Variants in DDC observed in about 807,000 individuals in gnomAD.
The protein encoded by DDC is dopa decarboxylase.
DDC carries 43 observed loss-of-function variants against 60.0 expected under a neutral mutation model. The observed-to-expected ratio is 0.72, with a 90% CI of 0.56 to 0.92. DDC has a LOEUF of 0.92. Among genes scored for constraint, DDC ranks in the 40% least tolerant of loss-of-function variants. DDC has a pLI of 0.00. For synonymous variants in DDC, 232 were observed against 234.6 expected (o/e 0.99, Z 0.10); for missense variants, 573 against 620.2 (o/e 0.92, Z 0.81).
chr7:50,548,970 C>T (rs2044894780), intron 1 of DDC, among the ~76,000 whole-genome samples: 2 of 152,188 alleles, frequency 1.3e-5, no homozygotes, highest in South Asian at 4.1e-4. Flanking sequence ...AAAAACTATG[C>T]CAAATCTACT....
chr7:50,553,526 G>A (rs371692458), intron 1 of DDC, among the ~76,000 whole-genome samples: 5 of 116,540 alleles, frequency 4.3e-5, no homozygotes, highest in African/African-American at 6.6e-5. Flanking sequence ...TTGCTCTGTC[G>A]CCCAGGCTGG....
At chr7:50,503,139 C>T (rs1487681107) in intron 7 of DDC, among the ~76,000 whole-genome samples, 1 of 152,268 alleles carries the variant, frequency 6.6e-6, no homozygotes, top group African/African-American at 2.4e-5. Flanking sequence ...AGCCAATTCC[C>T]TGGTAGCTGT....
chr7:50,526,840 G>A (rs1403748812), intron 6 of DDC, among the ~76,000 whole-genome samples: 6 of 152,170 alleles, frequency 3.9e-5, no homozygotes, highest in Non-Finnish European at 8.8e-5. Context: ...AGACAAAGTA[G>A]GCTGCAGGAC....
intron 12 of DDC, 121 bp from the exon 13 acceptor site, chr7:50,467,436 C>T: frequency 1.2e-6 from 1 of 822,526 alleles, no homozygotes; most frequent in Non-Finnish European, 2.0e-6. Flanking sequence ...GGCAATTTTC[C>T]TCAAGTGCTT....
At chr7:50,557,124 T>C (rs1010107186) in intron 1 of DDC, among the ~76,000 whole-genome samples, 1 of 152,226 alleles carries the variant, frequency 6.6e-6, no homozygotes, top group African/African-American at 2.4e-5. Context: ...AGAAATTTTC[T>C]ACAACAAACA....
chr7:50,565,253 C>T (rs1251928657), intron 1 of DDC, 32 bp downstream of exon 1: 3 of 152,228 alleles, frequency 2.0e-5, no homozygotes, highest in Non-Finnish European at 4.4e-5. Flanking sequence ...TCCACTACTA[C>T]AATCTGAGTA....
At chr7:50,530,032 C>G (rs879617575) in intron 4 of DDC, among the ~76,000 whole-genome samples, 2 of 151,914 alleles carry the variant, frequency 1.3e-5, no homozygotes, top group Non-Finnish European at 2.9e-5. Flanking sequence ...AGAGGAGGGT[C>G]GATCACTTGA....
intron 10 of DDC, 118 bp downstream of exon 10, chr7:50,479,669 T>C: frequency 1.1e-6 from 1 of 923,902 alleles, no homozygotes; most frequent in Non-Finnish European, 1.8e-6. Context: ...CACCCCGTCT[T>C]CTCTGTGAAA....
At chr7:50,512,485 A>C (rs2043607520) in intron 6 of DDC, among the ~76,000 whole-genome samples, 1 of 152,168 alleles carries the variant, frequency 6.6e-6, no homozygotes, top group African/African-American at 2.4e-5. Flanking sequence ...AATACAGTTA[A>C]TTTTGGTCAA....
chr7:50,507,493 A>G (rs1349957303), intron 6 of DDC, among the ~76,000 whole-genome samples: 1 of 152,134 alleles, frequency 6.6e-6, no homozygotes, highest in African/African-American at 2.4e-5. Flanking sequence ...CGGTCTCCCA[A>G]AGTGTTGGGA....
At chr7:50,490,985 C>T (rs1263796789) in intron 9 of DDC, among the ~76,000 whole-genome samples, 3 of 152,238 alleles carry the variant, frequency 2.0e-5, no homozygotes, top group East Asian at 1.9e-4. Context: ...AGAGTCTAGC[C>T]TTGCCTAATG....
chr7:50,533,754 A>G (rs1196140483), intron 4 of DDC, among the ~76,000 whole-genome samples: 1 of 152,240 alleles, frequency 6.6e-6, no homozygotes, highest in Non-Finnish European at 1.5e-5. Context: ...GCCCACAATA[A>G]CTAACATACA....
rs1429223377 is a variant in DDC at position 50,476,611 on chromosome 7, A to G, written c.1041+13T>C. 5 of 1,610,528 alleles carry G rather than the reference A, an allele frequency of 3.1e-6. No homozygotes were observed. Among genetic ancestry groups the G allele is most frequent in the Non-Finnish European group, 3.4e-6 (4 of 1,177,030 alleles). On this transcript the variant is annotated intron_variant, in intron 11 of 14. Transcript: ENST00000444124. ...CACTAGCATTTGAGATTACAGTGGA[A>G]TCTCCCACTTACCCGGTAGTCAGTG... is the stretch of plus-strand genomic sequence containing the variant.
chr7:50,503,945 C>T (rs764887433), intron 7 of DDC, 48 bp downstream of exon 7: 15 of 1,336,050 alleles, frequency 1.1e-5, no homozygotes, highest in Admixed American at 3.4e-5. Context: ...CTAAATTCCC[C>T]GTGTACAGAG....
At chr7:50,557,440 A>G (rs927177447) in intron 1 of DDC, among the ~76,000 whole-genome samples, 1 of 152,266 alleles carries the variant, frequency 6.6e-6, no homozygotes, top group African/African-American at 2.4e-5. Context: ...CAAGGACATG[A>G]AACTGATTGA....
intron 11 of DDC, among the ~76,000 whole-genome samples, chr7:50,475,082 G>A (rs1191263886): frequency 6.6e-6 from 1 of 152,166 alleles, no homozygotes; most frequent in East Asian, 1.9e-4. Context: ...GAGGAGTGGA[G>A]AAGGTATTGC....
chr7:50,462,432 C>T (rs1384493581), intron 14 of DDC, among the ~76,000 whole-genome samples: 2 of 152,118 alleles, frequency 1.3e-5, no homozygotes, highest in African/African-American at 2.4e-5. Flanking sequence ...CATGCTGTCT[C>T]CAGGGTTTAA....
chr7:50,480,572 G>A (rs536685659), intron 9 of DDC, among the ~76,000 whole-genome samples: 8 of 152,158 alleles, frequency 5.3e-5, no homozygotes, highest in Non-Finnish European at 1.2e-4. Flanking sequence ...AGTGGGGGCC[G>A]GCTGATGGGA....
At chr7:50,464,565 G>A (rs1020765400) in intron 13 of DDC, among the ~76,000 whole-genome samples, 1 of 152,216 alleles carries the variant, frequency 6.6e-6, no homozygotes, top group Non-Finnish European at 1.5e-5. Flanking sequence ...AAAGTATAGA[G>A]CACAGAAAAT....
Sources: gnomAD v4.1 joint callset for allele counts (sites outside exome capture counted in the v4.1 genomes callset) on GRCh38, gnomAD v4.1.1 for gene constraint, MANE v1.5 for transcripts, NCBI Gene and HGNC (gene_info 2026-07-23, HGNC 2026-07-21) for gene names.